CTSK: variants seen among roughly 807,000 people sequenced by gnomAD.
The protein encoded by CTSK is cathepsin K, also known as cathepsin O.
In CTSK, 26 loss-of-function variants were observed where a neutral mutation model predicts 40.5. The observed-to-expected ratio is 0.64, with a 90% confidence interval of 0.47 to 0.89. The LOEUF (loss-of-function observed/expected upper bound fraction) is 0.89. Ranked by LOEUF, CTSK falls within the 40% of genes least tolerant of loss-of-function variation. CTSK has a pLI of 0.00. For missense variants in CTSK, 292 were observed against 400.1 expected (o/e 0.73, Z 2.30); for synonymous variants, 132 against 143.2 (o/e 0.92, Z 0.56).
At chr1:150,801,081 A>G (rs1294356196) in intron 5 of CTSK, 3 of 152,432 alleles carry the variant, frequency 2.0e-5, no homozygotes, top group Non-Finnish European at 4.4e-5. Context: ...CAAACTTATA[A>G]TACCATCCCT....
In CTSK at chr1:150,799,239, A is replaced by G. The variant is rs757868838; in HGVS notation, c.819T>C (p.Asn273=). 1.7e-5 allele frequency: 27 copies of G among 1,612,964 alleles called. No homozygotes were observed. The South Asian group carries it at 2.7e-4, about 16-fold the overall frequency. The change falls in exon 7 of 8, where the codon AAT becomes AAC. Residue 273 remains asparagine (N), a synonymous_variant. Transcript: ENST00000271651. ...VYYDESCNSD[N]LNHAVLAVGY... is the part of the protein sequence containing the mutation. ...CCACTGCCAAAACTGCATGGTTCAG[A>G]TTATCGCTATTGCAGCTTTCATCAT...
rs12135151 is a variant in CTSK at position 150,799,099 on chromosome 1, G to A, written c.890+69C>T. ...GATTTGGGACAGAGAAAGGAATATCGGGAAGCTGGAGGTGAGGTTGAGTGT... is the reference window on the plus strand; with the variant it reads ...GATTTGGGACAGAGAAAGGAATATCAGGAAGCTGGAGGTGAGGTTGAGTGT... On this transcript the variant is annotated intron_variant, in intron 7 of 7. Coordinates refer to ENST00000271651, the MANE Select transcript of CTSK (RefSeq NM_000396.4). The A allele has an allele frequency of 2.5e-3, 2,554 of 1,016,510 alleles. 4 individuals carry two copies. The highest frequency in any genetic ancestry group is 3.3e-3 in the Non-Finnish European group (2,119 of 634,826). The allele number at this position is 1,016,510 out of a possible 1,614,324, so 63.0% of individuals were successfully genotyped here. A position where few individuals can be genotyped will look rare whatever the true frequency, so the allele number is the denominator to read the frequency against.
At chr1:150,802,178 T>C (rs1654003950) in intron 5 of CTSK, among the ~76,000 whole-genome samples, 1 of 150,256 alleles carries the variant, frequency 6.7e-6, no homozygotes, top group African/African-American at 2.5e-5. Context: ...CTCAGGAGGC[T>C]GAGGCAGGAG....
At chr1:150,797,095 C>G (rs1269159692) in intron 7 of CTSK, among the ~76,000 whole-genome samples, 197 bp from the exon 8 acceptor site, 1 of 152,078 alleles carries the variant, frequency 6.6e-6, no homozygotes, top group Non-Finnish European at 1.5e-5. Context: ...TCCTTCTGAT[C>G]AAGAGAATCT....
intron 1 of CTSK, 115 bp from the exon 2 acceptor site, chr1:150,806,921 T>C (rs1195273077): frequency 7.9e-7 from 1 of 1,263,210 alleles, no homozygotes; most frequent in Admixed American, 1.8e-5. Context: ...ACAATGATAG[T>C]CAGGAGGGGC....
chr1:150,805,357 A>T (rs1458530699), intron 4 of CTSK, among the ~76,000 whole-genome samples: 1 of 152,024 alleles, frequency 6.6e-6, no homozygotes, highest in Non-Finnish European at 1.5e-5. Flanking sequence ...TGTAATAAAG[A>T]AAAACCAGGC....
Position 150,804,082 on chromosome 1 carries a change from A to G in CTSK, c.557T>C (p.Phe186Ser). 6.2e-7 allele frequency: 1 copy of G among 1,614,134 alleles called. No individual in the cohort carries two copies. Among genetic ancestry groups the G allele is most frequent in the Non-Finnish European group, 8.5e-7 (1 of 1,180,016 alleles). Residue 186 changes from phenylalanine to serine, a missense_variant, in exon 5 of 8, where the codon TTC (phenylalanine) becomes TCC (serine). Transcript: ENST00000271651. ...GCGGGYMTNA[F>S]QYVQKNRGID... Reference sequence around the variant, plus strand: ...ACCCCGGTTCTTCTGCACATATTGGAAGGCATTGGTCATGTAGCCCCCTCC... The same window carrying G: ...ACCCCGGTTCTTCTGCACATATTGGGAGGCATTGGTCATGTAGCCCCCTCC...
intron 1 of CTSK, 114 bp from the exon 2 acceptor site, chr1:150,806,920 GTC>G: frequency 7.9e-7 from 1 of 1,260,658 alleles, no homozygotes. Context: ...AACAATGATA[GTC>G]AGGAGGGGCC....
In CTSK at chr1:150,806,794, G is replaced by C. The variant is rs371464900; in HGVS notation, c.12C>G (p.Leu4=). Residue 4 remains leucine (L), a synonymous_variant, in exon 2 of 8, where the codon CTC becomes CTG. Coordinates refer to ENST00000271651, the MANE Select transcript of CTSK (RefSeq NM_000396.4). Reference sequence around the variant, plus strand: ...TCACCACAGGTAGCAGCAGAACCTTGAGCCCCCACATCCTGCAGAAGAATG... The same window carrying C: ...TCACCACAGGTAGCAGCAGAACCTTCAGCCCCCACATCCTGCAGAAGAATG... The part of the protein sequence containing the change: MWG[L]KVLLLPVVSF... The C allele has an allele frequency of 1.2e-6, 2 of 1,613,940 alleles. No individual in the cohort carries two copies. Among genetic ancestry groups the C allele is most frequent in the African/African-American group, 1.3e-5 (1 of 75,010 alleles).
rs587764252 is a variant in CTSK at position 150,799,441 on chromosome 1, T to C, written c.784+103A>G. On this transcript the variant is annotated intron_variant, in intron 6 of 7. Transcript: ENST00000271651. ...GTTAATTTCTCTCTGGCCACCTCCA[T>C]GTGAATACAAAAACTAAGTACTGAA... 9.1e-6 allele frequency: 13 copies of C among 1,428,680 alleles called. No homozygotes were observed. The East Asian group carries it at 1.4e-4, about 15-fold the overall frequency. The allele number at this position is 1,428,680 out of a possible 1,614,324, so 88.5% of individuals were successfully genotyped here. A position where few individuals can be genotyped will look rare whatever the true frequency, so the allele number is the denominator to read the frequency against.
At chr1:150,801,374 C>T (rs903374252) in intron 5 of CTSK, among the ~76,000 whole-genome samples, 1 of 152,126 alleles carries the variant, frequency 6.6e-6, no homozygotes, top group Non-Finnish European at 1.5e-5. Context: ...CTGCCTCAGC[C>T]TCCCAAACTA....
chr1:150,797,207 A>C (rs1653891167), intron 7 of CTSK, among the ~76,000 whole-genome samples: 2 of 152,192 alleles, frequency 1.3e-5, no homozygotes, highest in Admixed American at 1.3e-4. Context: ...TGAAATGAAC[A>C]ACAGAGGCAG....
In CTSK at chr1:150,796,568, A is replaced by T. The variant is rs1653880214; in HGVS notation, c.*231T>A. The T allele has an allele frequency of 4.8e-6, 3 of 621,220 alleles. No homozygotes were observed. In the South Asian group the frequency reaches 5.5e-5, roughly 11 times the overall value. 38.5% of individuals were successfully genotyped at this position (621,220 alleles called of 1,614,324 possible). On this transcript the variant is annotated 3_prime_UTR_variant, in exon 8 of 8. Transcript: ENST00000271651. ...TAGTCACATCTCTTAGCCTAAGAGT[A>T]CACAGCTGTCAGGGAAAGTCCTGAT...
chr1:150,800,309 C>T (rs587655698), intron 5 of CTSK, among the ~76,000 whole-genome samples: 62 of 151,832 alleles, frequency 4.1e-4, no homozygotes, highest in African/African-American at 1.5e-3. Flanking sequence ...CTTCTGGCCA[C>T]ATAGTATGTA....
At chr1:150,806,356 A>G in intron 2 of CTSK, 132 bp from the exon 3 acceptor site, 7 of 1,041,102 alleles carry the variant, frequency 6.7e-6, no homozygotes, top group Non-Finnish European at 8.4e-6. Flanking sequence ...CTAACCATGG[A>G]ATTAAGAGCC....
chr1:150,808,015 T>A (rs1265518391), intron 1 of CTSK, among the ~76,000 whole-genome samples, 199 bp downstream of exon 1: 2 of 152,194 alleles, frequency 1.3e-5, no homozygotes, highest in Non-Finnish European at 2.9e-5. Flanking sequence ...ATCATGTATG[T>A]ATATATATAA....
rs587721223 is a variant in CTSK, at chr1:150,797,194, G to A, written c.891-296C>T. On this transcript the variant is annotated intron_variant, in intron 7 of 7. Transcript: ENST00000271651. ...GTGGGAAGGGGATGCCAGTGGAAGG[G>A]TGTGAAATGAACAACAGAGGCAGGA... Among the ~76,000 whole-genome samples, 17 of 152,270 alleles carry A rather than the reference G, an allele frequency of 1.1e-4. 2 individuals carry two copies. In the South Asian group the frequency reaches 3.1e-3, roughly 28 times the overall value.
intron 5 of CTSK, among the ~76,000 whole-genome samples, chr1:150,802,493 A>G (rs1032079890): frequency 6.6e-6 from 1 of 152,148 alleles, no homozygotes; most frequent in Non-Finnish European, 1.5e-5. Flanking sequence ...ATCACAGCTC[A>G]CAGCAGCCTT....
Position 150,806,893 on chromosome 1 carries a change from C to T in CTSK, c.-1-87G>A, listed in dbSNP as rs989534619. ...GCTTTATGAGGAAGAGAAAGGTAGA[C>T]GGAAAAAGGGTGATAAAACAATGAT... On this transcript the variant is annotated intron_variant, in intron 1 of 7. Coordinates refer to ENST00000271651, the MANE Select transcript of CTSK (RefSeq NM_000396.4). 25 of 1,502,896 alleles carry T rather than the reference C, an allele frequency of 1.7e-5. No individual in the cohort carries two copies. In the Middle Eastern group the frequency reaches 6.8e-4, roughly 41 times the overall value. The allele number at this position is 1,502,896 out of a possible 1,614,324, so 93.1% of individuals were successfully genotyped here.
Sources: gnomAD v4.1 joint callset for allele counts (sites outside exome capture counted in the v4.1 genomes callset) on GRCh38, gnomAD v4.1.1 for gene constraint, MANE v1.5 for transcripts, NCBI Gene and HGNC (gene_info 2026-07-23, HGNC 2026-07-21) for gene names.